The following GDPD4 variants were observed in gnomAD, a reference collection of about 807,000 sequenced individuals.
GDPD4 encodes glycerophosphodiester phosphodiesterase domain containing 4.
In GDPD4, 60 loss-of-function variants were observed where a neutral mutation model predicts 67.8. The observed-to-expected ratio is 0.88, with a 90% confidence interval of 0.72 to 1.10. The LOEUF is 1.10. GDPD4 is among the 50% of genes least tolerant of loss of function. GDPD4 has a pLI of 0.00. For synonymous variants in GDPD4, 212 were observed against 210.9 expected (o/e 1.00, Z -0.04); for missense variants, 623 against 613.9 (o/e 1.01, Z -0.16).
chr11:77,248,844 C>T (rs1958832286), intron 11 of GDPD4, among the ~76,000 whole-genome samples: 1 of 150,992 alleles, frequency 6.6e-6, no homozygotes, highest in Non-Finnish European at 1.5e-5. Flanking sequence ...GCCTCAGCCT[C>T]CCGAGTAGCT....
intron 10 of GDPD4, among the ~76,000 whole-genome samples, chr11:77,263,369 C>G (rs115533416): frequency 2.0e-4 from 30 of 151,604 alleles, no homozygotes; most frequent in African/African-American, 6.8e-4. Flanking sequence ...ATGCTTTACA[C>G]AAAAATGTAT....
Position 77,268,523 on chromosome 11 carries a change from G to T in GDPD4, c.641C>A (p.Thr214Asn). ...AACAGCTTTCTCAAAGGACATCATGGTATTCTCAGGCCCCAACTGTAGAAG... is the reference window on the plus strand; with the variant it reads ...AACAGCTTTCTCAAAGGACATCATGTTATTCTCAGGCCCCAACTGTAGAAG... ...RGAPMLGPENTMMSFEKAVEH... is the reference protein window; with the variant it reads ...RGAPMLGPENNMMSFEKAVEH... Residue 214 changes from threonine (T) to asparagine (N), a missense_variant, in exon 10 of 17, where the codon ACC becomes AAC. Physicochemically the swap from Thr to Asn is moderately conservative, Grantham distance 65 (BLOSUM62 0). Coordinates refer to ENST00000315938, the MANE Select transcript of GDPD4 (RefSeq NM_182833.3). 1.2e-6 allele frequency: 2 copies of T among 1,612,182 alleles called. No individual in the cohort carries two copies. Among genetic ancestry groups the T allele is most frequent in the Non-Finnish European group, 1.7e-6 (2 of 1,178,464 alleles).
chr11:77,288,439 C>A (rs1937644521), intron 1 of GDPD4, among the ~76,000 whole-genome samples: 1 of 152,150 alleles, frequency 6.6e-6, no homozygotes, highest in Non-Finnish European at 1.5e-5. Flanking sequence ...ACCACTGGGG[C>A]CTGAGGATTG....
chr11:77,285,890 C>T (rs1020050705), intron 2 of GDPD4, among the ~76,000 whole-genome samples: 2 of 152,164 alleles, frequency 1.3e-5, no homozygotes, highest in African/African-American at 2.4e-5. Context: ...GAAGGTACTG[C>T]TTTCTCTGAA....
At chr11:77,230,322 A>G (rs576198113) in intron 14 of GDPD4, among the ~76,000 whole-genome samples, 2 of 152,250 alleles carry the variant, frequency 1.3e-5, no homozygotes, top group Admixed American at 6.5e-5. Flanking sequence ...GTAATAGTGC[A>G]ATGTAATTAG....
chr11:77,230,400 C>T (rs1958430578), intron 14 of GDPD4, among the ~76,000 whole-genome samples: 1 of 152,120 alleles, frequency 6.6e-6, no homozygotes. Context: ...AAGTCAAATG[C>T]TTTGAAAAAC....
chr11:77,299,598 G>A (rs1025403411), intron 1 of GDPD4, among the ~76,000 whole-genome samples: 7 of 152,166 alleles, frequency 4.6e-5, no homozygotes, highest in Non-Finnish European at 8.8e-5. Flanking sequence ...TTCTGCCTCA[G>A]CTAGAATGAC....
chr11:77,233,672 T>TA (rs1958498508), intron 13 of GDPD4, among the ~76,000 whole-genome samples: 1 of 152,268 alleles, frequency 6.6e-6, no homozygotes, highest in Admixed American at 6.5e-5. Flanking sequence ...AGAGCACTTA[T>TA]CACCCCGTAC....
At chr11:77,236,340 C>T (rs1958567869) in intron 13 of GDPD4, among the ~76,000 whole-genome samples, 1 of 152,054 alleles carries the variant, frequency 6.6e-6, no homozygotes, top group Non-Finnish European at 1.5e-5. Context: ...CCCGTCTCCC[C>T]ACCCCACAAC....
In GDPD4 at chr11:77,241,016, G is replaced by C. The variant is rs548699757; in HGVS notation, c.1241+2678C>G. ...CAGCCATTATGGAAAACAAAGTGGAGGTTCCTCAAAAAACTAAAAATAGAA... is the reference window on the plus strand; with the variant it reads ...CAGCCATTATGGAAAACAAAGTGGACGTTCCTCAAAAAACTAAAAATAGAA... On this transcript the variant is annotated intron_variant, in intron 13 of 16. Transcript: ENST00000315938. Among the ~76,000 whole-genome samples, 5 of 152,266 alleles carry C rather than the reference G, an allele frequency of 3.3e-5. No individual in the cohort carries two copies. The East Asian group carries it at 7.7e-4, about 23-fold the overall frequency.
intron 5 of GDPD4, among the ~76,000 whole-genome samples, chr11:77,273,813 G>A (rs918796459): frequency 6.6e-6 from 1 of 152,192 alleles, no homozygotes; most frequent in Admixed American, 6.5e-5. Flanking sequence ...TGCTGGAACG[G>A]TATCACCTAT....
chr11:77,254,755 G>GT (rs1958972358), intron 11 of GDPD4, among the ~76,000 whole-genome samples: 1 of 152,118 alleles, frequency 6.6e-6, no homozygotes, highest in African/African-American at 2.4e-5. Flanking sequence ...CAGAATGTCT[G>GT]TATCTATTCT....
Position 77,245,293 on chromosome 11 carries a change from G to A in GDPD4, c.1074C>T (p.Ile358=), listed in dbSNP as rs766657500. 3.5e-5 allele frequency: 56 copies of A among 1,613,710 alleles called. No homozygotes were observed. The highest frequency in any genetic ancestry group is 3.1e-4 in the South Asian group (28 of 91,062). Residue 358 remains isoleucine (I), a synonymous_variant, in exon 12 of 17, where the codon ATC becomes ATT. Coordinates refer to ENST00000315938, the MANE Select transcript of GDPD4 (RefSeq NM_182833.3). Reference sequence around the variant, plus strand: ...GAGATAGACTTACCAGATGTTGCTCGATTTTAGAGGCAAGGATCACGCTTA... The same window carrying A: ...GAGATAGACTTACCAGATGTTGCTCAATTTTAGAGGCAAGGATCACGCTTA... ...QVVSVILASK[I]EQHLIFWLPA... is the part of the protein sequence containing the mutation.
chr11:77,238,082 G>T (rs1958597508), intron 13 of GDPD4, among the ~76,000 whole-genome samples: 1 of 152,068 alleles, frequency 6.6e-6, no homozygotes, highest in South Asian at 2.1e-4. Flanking sequence ...AGAAATCAAT[G>T]AAATAGGAAA....
chr11:77,292,213 C>A (rs1248800939), intron 1 of GDPD4, among the ~76,000 whole-genome samples: 1 of 151,570 alleles, frequency 6.6e-6, no homozygotes, highest in Admixed American at 6.6e-5. Flanking sequence ...GATTTCAATA[C>A]CCCTTTCTCA....
At chr11:77,235,615 G>A (rs1003328203) in intron 13 of GDPD4, among the ~76,000 whole-genome samples, 4 of 152,216 alleles carry the variant, frequency 2.6e-5, no homozygotes, top group African/African-American at 4.8e-5. Context: ...TAACTAGACA[G>A]CTACAGTTTC....
chr11:77,246,961 G>A (rs1158990589), intron 11 of GDPD4, among the ~76,000 whole-genome samples: 4 of 152,174 alleles, frequency 2.6e-5, no homozygotes, highest in African/African-American at 7.2e-5. Flanking sequence ...AGTAGCAGAA[G>A]GAAGAAGTCA....
rs1958138185 is a variant in GDPD4 at position 77,217,156 on chromosome 11, A to G, written c.*121T>C. 1 of 798,424 alleles carries G rather than the reference A, an allele frequency of 1.3e-6. No homozygotes were observed. Among genetic ancestry groups the G allele is most frequent in the Non-Finnish European group, 2.3e-6 (1 of 441,214 alleles). 49.5% of individuals were successfully genotyped at this position (798,424 alleles called of 1,614,324 possible). A position where few individuals can be genotyped will look rare whatever the true frequency, so the allele number is the denominator to read the frequency against. ...GTAGTTTCTTGGATGGTGCTGCAAA[A>G]TTGAAATGGCCTTGGTGTTCCTTTC... is the stretch of plus-strand genomic sequence containing the variant. On this transcript the variant is annotated 3_prime_UTR_variant, in exon 17 of 17. Coordinates refer to ENST00000315938, the MANE Select transcript of GDPD4 (RefSeq NM_182833.3).
intron 16 of GDPD4, among the ~76,000 whole-genome samples, chr11:77,217,813 CCTT>C (rs2135813444): frequency 6.6e-6 from 1 of 152,210 alleles, no homozygotes; most frequent in South Asian, 2.1e-4. Flanking sequence ...CAAGACCAAT[CCTT>C]CTACCAAAGA....
Sources: gnomAD v4.1 joint callset for allele counts (sites outside exome capture counted in the v4.1 genomes callset) on GRCh38, gnomAD v4.1.1 for gene constraint, MANE v1.5 for transcripts, NCBI Gene and HGNC (gene_info 2026-07-23, HGNC 2026-07-21) for gene names.